Variants in TPGS2 observed in about 807,000 individuals in gnomAD.
TPGS2 encodes the protein polyglutamylase subunit 2.
Under a neutral mutation model 31.1 loss-of-function variants are expected in TPGS2, and 26 were observed. The observed-to-expected ratio is 0.84, with a 90% CI of 0.61 to 1.16. The LOEUF (loss-of-function observed/expected upper bound fraction) is 1.16. TPGS2 is among the 50% of genes most tolerant of loss of function. The pLI is 0.00. For missense variants in TPGS2, 351 were observed against 363.8 expected (o/e 0.96, Z 0.29); for synonymous variants, 130 against 136.6 (o/e 0.95, Z 0.34).
chr18:36,824,342 A>C (rs537096666), intron 1 of TPGS2, among the ~76,000 whole-genome samples: 1 of 152,328 alleles, frequency 6.6e-6, no homozygotes, highest in African/African-American at 2.4e-5. Flanking sequence ...AAGTGTTTTC[A>C]TGTAAATATC....
downstream of TPGS2, chr18:36,789,230 T>C (rs2150530387): frequency 6.6e-6 from 1 of 152,334 alleles, no homozygotes; most frequent in East Asian, 1.9e-4. Context: ...ATTAGGTAAA[T>C]ATCCTTATTC....
At chr18:36,798,917 T>C (rs894802497) in intron 5 of TPGS2, among the ~76,000 whole-genome samples, 2 of 152,194 alleles carry the variant, frequency 1.3e-5, no homozygotes, top group African/African-American at 2.4e-5. Flanking sequence ...CTGTGTGTCA[T>C]AGCATTCCCC....
At chr18:36,802,683 A>C (rs980561324) in intron 4 of TPGS2, among the ~76,000 whole-genome samples, 12 of 152,056 alleles carry the variant, frequency 7.9e-5, no homozygotes, top group Non-Finnish European at 1.3e-4. Context: ...GCCGGAGTGC[A>C]GTGGCATGAT....
At chr18:36,787,493 A>G (rs1157147445) in intron 6 of TPGS2, among the ~76,000 whole-genome samples, 1 of 152,252 alleles carries the variant, frequency 6.6e-6, no homozygotes, top group African/African-American at 2.4e-5. Flanking sequence ...AACACTTGTC[A>G]TGTACCCAAG....
intron 2 of TPGS2, among the ~76,000 whole-genome samples, chr18:36,810,470 C>T (rs1188635506): frequency 1.3e-5 from 2 of 152,096 alleles, no homozygotes; most frequent in African/African-American, 4.8e-5. Flanking sequence ...GGCTTCTTCC[C>T]ACACAGATCC....
At chr18:36,797,450 G>A (rs1600747059) in intron 6 of TPGS2, among the ~76,000 whole-genome samples, 1 of 117,678 alleles carries the variant, frequency 8.5e-6, no homozygotes, top group East Asian at 2.0e-4. Flanking sequence ...AGGAAAGGCA[G>A]GAGACAGAGG....
chr18:36,827,403 A>G (rs2150720301), intron 1 of TPGS2, among the ~76,000 whole-genome samples: 1 of 152,376 alleles, frequency 6.6e-6, no homozygotes, highest in African/African-American at 2.4e-5. Context: ...ATTTGATCAG[A>G]GATCTGAATG....
rs2046326165 is a variant in TPGS2, at chr18:36,828,768, G to C, written c.-1C>G. On this transcript the variant is annotated 5_prime_UTR_variant, in exon 1 of 7. Transcript: ENST00000334295. ...CCGGGGACGATGCCTCCTCCTCCAT[G>C]GCTCGCGACCGCGATTCGCGCGCGG... 1 of 1,613,010 alleles carries C rather than the reference G, an allele frequency of 6.2e-7. No individual in the cohort carries two copies. Among genetic ancestry groups the C allele is most frequent in the African/African-American group, 1.3e-5 (1 of 74,926 alleles).
chr18:36,810,648 A>C (rs2045381694), intron 2 of TPGS2, among the ~76,000 whole-genome samples: 1 of 152,228 alleles, frequency 6.6e-6, no homozygotes, highest in African/African-American at 2.4e-5. Flanking sequence ...GATTGCATCA[A>C]GATGGTATCT....
chr18:36,812,938 T>C (rs1421537052), intron 2 of TPGS2, among the ~76,000 whole-genome samples: 1 of 152,252 alleles, frequency 6.6e-6, no homozygotes, highest in African/African-American at 2.4e-5. Flanking sequence ...CTGTGTTGAT[T>C]GTTGCGGAGT....
At chr18:36,785,930 G>C (rs1447953060) in intron 6 of TPGS2, among the ~76,000 whole-genome samples, 1 of 152,164 alleles carries the variant, frequency 6.6e-6, no homozygotes, top group East Asian at 1.9e-4. Flanking sequence ...GGTTGGCCAA[G>C]TATACATACT....
chr18:36,787,797 G>C (rs368710814), intron 6 of TPGS2, among the ~76,000 whole-genome samples: 1 of 152,216 alleles, frequency 6.6e-6, no homozygotes. Flanking sequence ...AATTAAAGGA[G>C]CTCATTCACA....
In TPGS2 at chr18:36,796,215, T is replaced by A. The variant is rs2044518483; in HGVS notation, c.*590A>T. ...ACCCATCCAATGAAGACATCAACAT[T>A]AACAACAAAAATTAATTGAGGAAGA... is the stretch of plus-strand genomic sequence containing the variant. On this transcript the variant is annotated 3_prime_UTR_variant, in exon 7 of 7. Coordinates refer to ENST00000334295, the MANE Select transcript of TPGS2 (RefSeq NM_015476.4). 1.0e-6 allele frequency: 1 copy of A among 985,232 alleles called. No homozygotes were observed. Among genetic ancestry groups the A allele is most frequent in the Non-Finnish European group, 1.2e-6 (1 of 829,928 alleles). 61.0% of individuals were successfully genotyped at this position (985,232 alleles called of 1,614,324 possible).
chr18:36,800,405 A>C, intron 4 of TPGS2, 94 bp from the exon 5 acceptor site: 1 of 1,004,638 alleles, frequency 1.0e-6, no homozygotes, highest in South Asian at 1.3e-5. Context: ...AAACAGAAGG[A>C]AAAAGCCTTA....
chr18:36,817,613 T>C (rs914472099), intron 2 of TPGS2: 4 of 152,066 alleles, frequency 2.6e-5, no homozygotes, highest in African/African-American at 9.7e-5. Context: ...TTAACATTAT[T>C]GTTTTGTAGA....
Position 36,795,433 on chromosome 18 carries a change from C to T in TPGS2, c.*1372G>A, listed in dbSNP as rs1383234132. The stretch of plus-strand genomic sequence containing the variant: ...TTCCTCAAAACTCCTAATTCTCTAA[C>T]CTCTGGGACTTCAGTACAAAAACTG... On this transcript the variant is annotated 3_prime_UTR_variant, in exon 7 of 7. Transcript: ENST00000334295. 1.0e-5 allele frequency: 10 copies of T among 985,302 alleles called. No individual in the cohort carries two copies. The African/African-American group carries it at 1.6e-4, about 15-fold the overall frequency. 61.0% of individuals were successfully genotyped at this position (985,302 alleles called of 1,614,324 possible). A position where few individuals can be genotyped will look rare whatever the true frequency, so the allele number is the denominator to read the frequency against.
chr18:36,803,961 G>T (rs1204828050), intron 4 of TPGS2, among the ~76,000 whole-genome samples: 1 of 151,908 alleles, frequency 6.6e-6, no homozygotes, highest in Non-Finnish European at 1.5e-5. Context: ...ATTCACAGGT[G>T]TGATCACAGC....
chr18:36,798,731 A>G, intron 5 of TPGS2, 122 bp from the exon 6 acceptor site: 2 of 1,436,874 alleles, frequency 1.4e-6, no homozygotes, highest in Non-Finnish European at 1.8e-6. Flanking sequence ...TGGAAAATGT[A>G]AAGTAAAAGT....
chr18:36,817,030 C>A (rs2150665919), intron 2 of TPGS2, among the ~76,000 whole-genome samples: 1 of 152,394 alleles, frequency 6.6e-6, no homozygotes, highest in South Asian at 2.1e-4. Flanking sequence ...TGAGGCCAGA[C>A]TGGCATAGTC....
Sources: allele counts gnomAD v4.1 joint callset (sites outside exome capture counted in the v4.1 genomes callset), GRCh38; gene constraint gnomAD v4.1.1; transcripts MANE v1.5; gene names NCBI Gene and HGNC (gene_info 2026-07-23, HGNC 2026-07-21).